TENM4: variants seen among roughly 807,000 people sequenced by gnomAD.
The protein encoded by TENM4 is teneurin transmembrane protein 4, also known as teneurin-4.
Under a neutral mutation model 243.3 loss-of-function variants are expected in TENM4, and 82 were observed. The observed-to-expected ratio is 0.34, with a 90% CI of 0.28 to 0.40. TENM4 has a LOEUF of 0.40. Among genes scored for constraint, TENM4 ranks in the 10% least tolerant of loss-of-function variants. The probability of loss-of-function intolerance (pLI) is 1.00; values close to 1 mark genes in which losing one functional copy is unlikely to be tolerated. For synonymous variants in TENM4, 1,412 were observed against 1,456.3 expected (o/e 0.97, Z 0.69); for missense variants, 3,138 against 3,673.3 (o/e 0.85, Z 3.77).
intron 2 of TENM4, among the ~76,000 whole-genome samples, chr11:79,249,437 A>G (rs1855572737): frequency 1.3e-5 from 2 of 152,208 alleles, no homozygotes; most frequent in South Asian, 4.1e-4. Context: ...CAGCAAGTAA[A>G]TCATTAATGA....
intron 1 of TENM4, among the ~76,000 whole-genome samples, chr11:79,348,943 G>A (rs1036098955): frequency 1.3e-5 from 2 of 152,252 alleles, no homozygotes; most frequent in African/African-American, 4.8e-5. Context: ...ATAAATGATC[G>A]TTTTTATCGA....
chr11:79,401,829 G>A (rs1858468398), intron 1 of TENM4, among the ~76,000 whole-genome samples: 1 of 152,186 alleles, frequency 6.6e-6, no homozygotes, highest in Non-Finnish European at 1.5e-5. Context: ...GGGTTTTGGT[G>A]AGCAGGTTGA....
chr11:78,786,449 C>T (rs1014922138), intron 16 of TENM4, among the ~76,000 whole-genome samples: 1 of 152,242 alleles, frequency 6.6e-6, no homozygotes, highest in Non-Finnish European at 1.5e-5. Context: ...GCTGCATGTA[C>T]TGGGCACTCC....
At chr11:78,675,891 A>T (rs753756440) in intron 30 of TENM4, among the ~76,000 whole-genome samples, 60 of 152,188 alleles carry the variant, frequency 3.9e-4, no homozygotes, top group Non-Finnish European at 7.5e-4. Flanking sequence ...AAGATTACTG[A>T]TCTGTCCAAG....
At chr11:78,786,799 C>G in intron 16 of TENM4, 99 bp downstream of exon 16, 2 of 1,491,318 alleles carry the variant, frequency 1.3e-6, no homozygotes, top group South Asian at 2.5e-5. Context: ...TTCCCCATCC[C>G]CACATGCGAT....
intron 24 of TENM4, 96 bp from the exon 25 acceptor site, chr11:78,720,486 TG>T: frequency 8.0e-7 from 1 of 1,244,612 alleles, no homozygotes; most frequent in South Asian, 1.2e-5. Context: ...TTGACAGCAA[TG>T]GTACTATACA....
In TENM4 at chr11:78,658,782, T is replaced by C. The variant is rs751396249; in HGVS notation, c.7586A>G (p.Gln2529Arg). ...ILGVQCEVQK[Q>R]LKAFVTLERF... ...TTCTAAGGTGACAAAGGCCTTGAGC[T>C]GCTTCTGTACTTCACACTGTACCCC... The change falls in exon 34 of 34, where the codon CAG (glutamine) becomes CGG (arginine). Residue 2529 changes from glutamine to arginine, a missense_variant. Coordinates refer to ENST00000278550, the MANE Select transcript of TENM4 (RefSeq NM_001098816.3). 5 of 1,613,842 alleles carry C rather than the reference T, an allele frequency of 3.1e-6. No homozygotes were observed. The highest frequency in any genetic ancestry group is 4.2e-6 in the Non-Finnish European group (5 of 1,179,854).
chr11:79,117,871 A>G (rs985410825), intron 4 of TENM4, among the ~76,000 whole-genome samples: 5 of 152,208 alleles, frequency 3.3e-5, no homozygotes, highest in African/African-American at 1.2e-4. Flanking sequence ...TTAGCCATCA[A>G]CACACACTAG....
At chr11:79,054,831 T>C (rs1859900148) in intron 6 of TENM4, among the ~76,000 whole-genome samples, 1 of 152,138 alleles carries the variant, frequency 6.6e-6, no homozygotes, top group Non-Finnish European at 1.5e-5. Context: ...ATGTATTGTG[T>C]GTAAAGTGTA....
chr11:78,766,518 C>A (rs1856541894), intron 18 of TENM4, among the ~76,000 whole-genome samples: 2 of 152,182 alleles, frequency 1.3e-5, no homozygotes, highest in South Asian at 4.1e-4. Flanking sequence ...TAGGGCCCCT[C>A]TGCTTGTCTA....
intron 14 of TENM4, among the ~76,000 whole-genome samples, chr11:78,810,240 C>T (rs147897338): frequency 0.014 from 2,147 of 152,310 alleles, 25 homozygotes; most frequent in Admixed American, 0.03. Context: ...TAATGGGAAT[C>T]AGTACCAGAT....
chr11:79,310,801 G>A (rs1856706717), intron 1 of TENM4, among the ~76,000 whole-genome samples: 1 of 152,106 alleles, frequency 6.6e-6, no homozygotes. Flanking sequence ...TTGGGAAGAG[G>A]GGATGATTAT....
At chr11:79,239,527 G>A (rs12273933) in intron 2 of TENM4, among the ~76,000 whole-genome samples, 13 of 151,996 alleles carry the variant, frequency 8.6e-5, no homozygotes, top group Admixed American at 3.3e-4. Context: ...CTGGATGCAT[G>A]AACTCAAGGG....
intron 26 of TENM4, among the ~76,000 whole-genome samples, chr11:78,710,121 A>G (rs1178461475): frequency 6.6e-6 from 1 of 152,216 alleles, no homozygotes; most frequent in East Asian, 1.9e-4. Context: ...AAGGGTCAGG[A>G]AGCCTTCACC....
intron 5 of TENM4, among the ~76,000 whole-genome samples, chr11:79,068,660 TC>T (rs1860330716): frequency 6.6e-6 from 1 of 152,082 alleles, no homozygotes; most frequent in African/African-American, 2.4e-5. Flanking sequence ...GCAGAGCAAA[TC>T]AGGGTGGGCT....
rs770269024 is a variant in TENM4, at chr11:78,670,464, C to T, written c.5881G>A (p.Val1961Met). 5.0e-5 allele frequency: 81 copies of T among 1,613,840 alleles called. No individual in the cohort carries two copies. The highest frequency in any genetic ancestry group is 1.3e-4 in the Admixed American group (8 of 60,012). ...DRLSSVTMPNVARQTLETIRS... is the reference protein window; with the variant it reads ...DRLSSVTMPNMARQTLETIRS... Reference sequence around the variant, plus strand: ...ATGGTCTCTAGTGTCTGCCGCGCCACGTTGGGCATCGTCACAGAAGAGAGG... The same window carrying T: ...ATGGTCTCTAGTGTCTGCCGCGCCATGTTGGGCATCGTCACAGAAGAGAGG... Residue 1961 changes from valine (V) to methionine (M), a missense_variant, in exon 32 of 34, where the codon GTG (valine) becomes ATG (methionine). Transcript: ENST00000278550.
At chr11:79,437,481 C>G (rs2135627256) in intron 1 of TENM4, among the ~76,000 whole-genome samples, 1 of 152,234 alleles carries the variant, frequency 6.6e-6, no homozygotes, top group East Asian at 1.9e-4. Context: ...GCCTGGAACG[C>G]GGTCTTCTCG....
intron 33 of TENM4, among the ~76,000 whole-genome samples, chr11:78,661,162 T>G (rs1206367203): frequency 6.6e-6 from 1 of 152,228 alleles, no homozygotes; most frequent in Non-Finnish European, 1.5e-5. Flanking sequence ...CCTGTGCTTT[T>G]GTTCTGGATA....
At chr11:78,692,465 C>T (rs1858851038) in intron 28 of TENM4, among the ~76,000 whole-genome samples, 2 of 152,126 alleles carry the variant, frequency 1.3e-5, no homozygotes, top group Admixed American at 6.5e-5. Context: ...CATAGAGACA[C>T]ATGAAGACCA....
Sources: allele counts gnomAD v4.1 joint callset (sites outside exome capture counted in the v4.1 genomes callset), GRCh38; gene constraint gnomAD v4.1.1; transcripts MANE v1.5; gene names NCBI Gene and HGNC (gene_info 2026-07-23, HGNC 2026-07-21).